Variants in PHLDB1 observed in about 807,000 individuals in gnomAD.
The protein encoded by PHLDB1 is pleckstrin homology like domain family B member 1.
PHLDB1 carries 65 observed loss-of-function variants against 139.3 expected under a neutral mutation model. The observed-to-expected ratio is 0.47, with a 90% CI of 0.38 to 0.57. PHLDB1 has a LOEUF of 0.57. Ranked by LOEUF, PHLDB1 falls within the 20% of genes least tolerant of loss-of-function variation. The pLI, the probability that PHLDB1 is intolerant of heterozygous loss-of-function variation, is 0.00. For missense variants in PHLDB1, 1,624 were observed against 1,839.7 expected, an observed-to-expected ratio of 0.88 and a Z score of 2.14; for synonymous variants, 679 against 734.5, an observed-to-expected ratio of 0.92 and a Z score of 1.22.
At chr11:118,631,179 C>A in intron 6 of PHLDB1, 28 bp from the exon 7 acceptor site, 1 of 1,390,652 alleles carries the variant, frequency 7.2e-7, no homozygotes, top group Non-Finnish European at 9.4e-7. Context: ...TCCTCCCCTT[C>A]ATGTCCTGCT....
chr11:118,616,324 C>T (rs782673298), intron 4 of PHLDB1, 113 bp downstream of exon 4: 89 of 893,552 alleles, frequency 1.0e-4, no homozygotes, highest in Non-Finnish European at 1.3e-4. Context: ...AGTGACCATA[C>T]TGGGAATGGA....
intron 13 of PHLDB1, 61 bp downstream of exon 13, chr11:118,642,455 C>T (rs1555122340): frequency 6.5e-7 from 1 of 1,546,524 alleles, no homozygotes; most frequent in African/African-American, 1.4e-5. Context: ...CTGATACCTC[C>T]TGCCAATCCA....
At position 118,614,495 on chromosome 11, in the gene PHLDB1, A is replaced by C; in HGVS notation, c.61-64A>C. ...GAGGGCTGGAGAGAGTGCTGGTGTGACTGGTTTAGGGTGGTAAGGTGCTGA... is the reference window on the plus strand; with the variant it reads ...GAGGGCTGGAGAGAGTGCTGGTGTGCCTGGTTTAGGGTGGTAAGGTGCTGA... On this transcript the variant is annotated intron_variant, in intron 2 of 22. Coordinates refer to ENST00000600882, the MANE Select transcript of PHLDB1 (RefSeq NM_001144758.3). 3 of 1,582,884 alleles carry C rather than the reference A, an allele frequency of 1.9e-6. No homozygotes were observed. In the East Asian group the frequency reaches 6.8e-5, roughly 36 times the overall value.
chr11:118,629,642 G>A (rs187361639), intron 6 of PHLDB1, among the ~76,000 whole-genome samples: 76 of 152,332 alleles, frequency 5.0e-4, no homozygotes, highest in African/African-American at 1.8e-3. Context: ...GAGGGTATAG[G>A]ATTGTGTGTT....
At chr11:118,616,746 C>G (rs1330131787) in intron 4 of PHLDB1, among the ~76,000 whole-genome samples, 2 of 152,156 alleles carry the variant, frequency 1.3e-5, no homozygotes, top group African/African-American at 4.8e-5. Context: ...TAAGGTAGCT[C>G]TAAAAACTAG....
Position 118,641,551 on chromosome 11 carries a change from A to G in PHLDB1, c.2737-703A>G, listed in dbSNP as rs994382154. 9 of 1,010,956 alleles carry G rather than the reference A, an allele frequency of 8.9e-6. No homozygotes were observed. The African/African-American group carries it at 1.2e-4, about 13-fold the overall frequency. 62.6% of individuals were successfully genotyped at this position (1,010,956 alleles called of 1,614,324 possible). A position where few individuals can be genotyped will look rare whatever the true frequency, so the allele number is the denominator to read the frequency against. On this transcript the variant is annotated intron_variant, in intron 12 of 22. Coordinates refer to ENST00000600882, the MANE Select transcript of PHLDB1 (RefSeq NM_001144758.3). ...CCTCCCTTCCCCTGTGGGTAGGGCCATCTCATGTGTTCTGGTTCCATTAAC... is the reference window on the plus strand; with the variant it reads ...CCTCCCTTCCCCTGTGGGTAGGGCCGTCTCATGTGTTCTGGTTCCATTAAC...
At chr11:118,631,181 T>C (rs1944745241) in intron 6 of PHLDB1, 26 bp from the exon 7 acceptor site, 1 of 1,389,388 alleles carries the variant, frequency 7.2e-7, no homozygotes, top group Non-Finnish European at 9.4e-7. Flanking sequence ...CTCCCCTTCA[T>C]GTCCTGCTCT....
At chr11:118,638,787 C>T in intron 10 of PHLDB1, 104 bp from the exon 11 acceptor site, 2 of 819,408 alleles carry the variant, frequency 2.4e-6, no homozygotes, top group South Asian at 1.8e-5. Flanking sequence ...TGGTTGATCC[C>T]CTTCACCTGA....
Position 118,608,253 on chromosome 11 carries a change from G to C in PHLDB1, c.-22+554G>C, listed in dbSNP as rs1356197446. On this transcript the variant is annotated intron_variant, in intron 1 of 22. Coordinates refer to ENST00000600882, the MANE Select transcript of PHLDB1 (RefSeq NM_001144758.3). The surrounding 1 kb of genome is among the most constrained non-coding windows in gnomAD (Gnocchi z 6.7). ...TAGGAGGGCTGCCTGGGGGTGTCCA[G>C]GAGATGGGAAGCCCGCCTGGGGCCT... Among the ~76,000 whole-genome samples, 1 of 152,100 alleles carries C rather than the reference G, an allele frequency of 6.6e-6. No homozygotes were observed. Among genetic ancestry groups the C allele is most frequent in the Non-Finnish European group, 1.5e-5 (1 of 67,954 alleles).
At chr11:118,613,205 G>A (rs1444972439) in intron 1 of PHLDB1, 1 of 799,152 alleles carries the variant, frequency 1.3e-6, no homozygotes, top group Non-Finnish European at 1.5e-6. Context: ...GTTGGGTTGA[G>A]GTTGCTTTCT....
rs1555081020 is a variant in PHLDB1, at chr11:118,608,750, C to G, written c.-22+1051C>G. ...CACCTACGTCCCTGCGTCACGCCAC[C>G]CAGACACACCCGGACCCGCCCACAC... On this transcript the variant is annotated intron_variant, in intron 1 of 22. Transcript: ENST00000600882. This position sits in a 1 kb window ranked among gnomAD's most constrained non-coding sequence, Gnocchi z 6.7. Among the ~76,000 whole-genome samples the G allele has an allele frequency of 1.3e-5, 2 of 152,182 alleles. No individual in the cohort carries two copies. Among genetic ancestry groups the G allele is most frequent in the African/African-American group, 4.8e-5 (2 of 41,438 alleles).
chr11:118,639,583 G>T, intron 12 of PHLDB1: 2 of 418,012 alleles, frequency 4.8e-6, no homozygotes, highest in Admixed American at 3.5e-5. Flanking sequence ...TCACCTTGAA[G>T]GGGAGCATAG....
At position 118,645,619 on chromosome 11, in the gene PHLDB1, A is replaced by G. The variant is rs868970725; in HGVS notation, c.3385A>G (p.Asn1129Asp). ...SMETSISTGG[N>D]SACSPDNMSS... ...GGAGACCAGCATCTCCACCGGGGGC[A>G]ACTCGGCCTGCTCCCCTGACAACAT... Residue 1129 changes from asparagine to aspartate, a missense_variant, in exon 16 of 23, where the codon AAC becomes GAC. Physicochemically the swap from Asn to Asp is conservative, Grantham distance 23. Coordinates refer to ENST00000600882, the MANE Select transcript of PHLDB1 (RefSeq NM_001144758.3). This position sits in a 1 kb window ranked among gnomAD's most constrained non-coding sequence, Gnocchi z 5.1. The G allele has an allele frequency of 4.3e-6, 7 of 1,613,074 alleles. No individual in the cohort carries two copies. The highest frequency in any genetic ancestry group is 5.9e-6 in the Non-Finnish European group (7 of 1,179,328).
chr11:118,642,070 C>T, intron 12 of PHLDB1, 184 bp from the exon 13 acceptor site: 1 of 676,566 alleles, frequency 1.5e-6, no homozygotes, highest in Non-Finnish European at 2.6e-6. Context: ...TTCCTTCCTC[C>T]CCTTCTTCCT....
chr11:118,618,504 C>T (rs782685837), intron 4 of PHLDB1, among the ~76,000 whole-genome samples: 9 of 151,984 alleles, frequency 5.9e-5, no homozygotes, highest in Admixed American at 2.6e-4. Flanking sequence ...TATGTAGCTC[C>T]GGATGTGTTT....
chr11:118,624,777 T>G (rs1591541915), intron 4 of PHLDB1, 157 bp from the exon 5 acceptor site: 1 of 638,796 alleles, frequency 1.6e-6, no homozygotes, highest in East Asian at 2.9e-5. Flanking sequence ...ACCCGGCTAA[T>G]TTTTGTATTT....
chr11:118,651,478 G>C (rs1380301729), intron 20 of PHLDB1: 9 of 151,812 alleles, frequency 5.9e-5, no homozygotes, highest in African/African-American at 1.9e-4. Flanking sequence ...AACAGCGTGA[G>C]ACTCTGTCTC....
chr11:118,632,120 G>A lies in PHLDB1; in HGVS notation c.2242-39G>A, dbSNP rs1555111649. On this transcript the variant is annotated intron_variant, in intron 8 of 22. Coordinates refer to ENST00000600882, the MANE Select transcript of PHLDB1 (RefSeq NM_001144758.3). This position sits in a 1 kb window ranked among gnomAD's most constrained non-coding sequence, Gnocchi z 5.9. ...CTGAAGGCCCCAGAGAGGGGCCACA[G>A]TCAGCTGCTTTGATGGGGACCCTGG... The A allele has an allele frequency of 6.2e-7, 1 of 1,613,756 alleles. No homozygotes were observed.
At chr11:118,654,680 G>A (rs1289211373) in intron 20 of PHLDB1, 1 of 142,194 alleles carries the variant, frequency 7.0e-6, no homozygotes, top group Non-Finnish European at 1.5e-5. Flanking sequence ...TTATTTCTGA[G>A]TCTGTATCTG....
Sources: gnomAD v4.1 joint callset for allele counts (sites outside exome capture counted in the v4.1 genomes callset) on GRCh38, gnomAD v4.1.1 for gene constraint, Gnocchi (gnomAD v3.1) non-coding constraint, MANE v1.5 for transcripts, NCBI Gene and HGNC (gene_info 2026-07-23, HGNC 2026-07-21) for gene names.